FHIT: variants seen among roughly 807,000 people sequenced by gnomAD.
FHIT encodes bis(5'-adenosyl)-triphosphatase.
Under a neutral mutation model 17.9 loss-of-function variants are expected in FHIT, and 19 were observed. That is an observed-to-expected ratio of 1.06 (90% CI 0.74 to 1.56). The LOEUF is 1.56. Among genes scored for constraint, FHIT ranks in the 40% most tolerant of loss-of-function variants. The pLI is 0.00. For missense variants in FHIT, 248 were observed against 189.2 expected, an observed-to-expected ratio of 1.31 and a Z score of -1.82; for synonymous variants, 81 against 69.7, an observed-to-expected ratio of 1.16 and a Z score of -0.81.
intron 5 of FHIT, among the ~76,000 whole-genome samples, chr3:60,086,630 A>ACTT (rs1200948199): frequency 6.6e-6 from 1 of 152,196 alleles, no homozygotes. Flanking sequence ...AGAAAGAGAA[A>ACTT]ACAGGCCCTG....
At chr3:60,019,076 T>C (rs575521048) in intron 5 of FHIT, among the ~76,000 whole-genome samples, 4 of 152,330 alleles carry the variant, frequency 2.6e-5, no homozygotes, top group African/African-American at 9.6e-5. Flanking sequence ...GACTCACTCA[T>C]GCAACTGCTT....
At chr3:60,896,533 T>A (rs563766006) in intron 3 of FHIT, among the ~76,000 whole-genome samples, 1 of 152,288 alleles carries the variant, frequency 6.6e-6, no homozygotes. Flanking sequence ...CTACAATGGA[T>A]ACAAAGTAAT....
chr3:60,447,552 C>T (rs995468), intron 5 of FHIT, among the ~76,000 whole-genome samples: 27,114 of 152,008 alleles, frequency 0.18, 2,645 homozygotes, highest in Admixed American at 0.29. Context: ...CTCAAAGAAA[C>T]TTCAAATAAC....
chr3:59,788,881 G>GTT (rs60361063), intron 8 of FHIT, among the ~76,000 whole-genome samples: 4 of 86,804 alleles, frequency 4.6e-5, no homozygotes, highest in Admixed American at 1.8e-4. Flanking sequence ...GAGTTCATAT[G>GTT]TTTTTTTTTT....
intron 3 of FHIT, among the ~76,000 whole-genome samples, chr3:60,893,103 C>T (rs1366610657): frequency 1.3e-5 from 2 of 152,120 alleles, no homozygotes; most frequent in Non-Finnish European, 2.9e-5. Flanking sequence ...CTCTCTGAAG[C>T]AGGTCAGAAG....
intron 5 of FHIT, among the ~76,000 whole-genome samples, chr3:60,280,514 A>G (rs146806861): frequency 1.8e-3 from 273 of 152,266 alleles, no homozygotes; most frequent in African/African-American, 6.3e-3. Context: ...CAAAGGTGAA[A>G]TAACACAGAC....
intron 1 of FHIT, among the ~76,000 whole-genome samples, chr3:61,236,113 G>C (rs1281916735): frequency 1.3e-5 from 2 of 150,372 alleles, no homozygotes; most frequent in Non-Finnish European, 3.0e-5. Flanking sequence ...GCTAAGTCAA[G>C]ATATAAATAT....
chr3:60,235,420 C>T (rs1044811978), intron 5 of FHIT, among the ~76,000 whole-genome samples: 16 of 151,968 alleles, frequency 1.1e-4, no homozygotes, highest in African/African-American at 3.6e-4. Flanking sequence ...TTAGTAGAGG[C>T]AGGGTTTCAC....
chr3:59,977,636 T>C (rs1459052864), intron 7 of FHIT, among the ~76,000 whole-genome samples: 1 of 152,198 alleles, frequency 6.6e-6, no homozygotes, highest in Non-Finnish European at 1.5e-5. Flanking sequence ...GTTGCAGTCA[T>C]TGTTTCGTCT....
At chr3:60,551,226 G>C (rs1009425687) in intron 4 of FHIT, among the ~76,000 whole-genome samples, 4 of 151,642 alleles carry the variant, frequency 2.6e-5, no homozygotes, top group African/African-American at 9.7e-5. Context: ...ACAAGGTCTT[G>C]TGTGGCGTTT....
intron 5 of FHIT, among the ~76,000 whole-genome samples, chr3:60,480,128 A>G (rs1321465321): frequency 6.6e-6 from 1 of 152,148 alleles, no homozygotes; most frequent in East Asian, 1.9e-4. Flanking sequence ...AAGAGAAAGC[A>G]AGGTATGTCT....
intron 5 of FHIT, among the ~76,000 whole-genome samples, chr3:60,201,261 C>T (rs369730598): frequency 3.3e-5 from 5 of 152,052 alleles, no homozygotes; most frequent in African/African-American, 1.2e-4. Flanking sequence ...ATCTTATATA[C>T]CAAATGATCG....
intron 4 of FHIT, among the ~76,000 whole-genome samples, chr3:60,766,661 G>GAGA (rs370183379): frequency 6.9e-5 from 2 of 28,978 alleles, no homozygotes; most frequent in Non-Finnish European, 1.3e-4. Flanking sequence ...TCAAATGGTA[G>GAGA]AGTCTCAAGG....
At chr3:59,911,289 A>C (rs1704860721) in intron 8 of FHIT, among the ~76,000 whole-genome samples, 1 of 152,182 alleles carries the variant, frequency 6.6e-6, no homozygotes, top group African/African-American at 2.4e-5. Flanking sequence ...ACACACTCAC[A>C]CACACTCTGA....
intron 5 of FHIT, among the ~76,000 whole-genome samples, chr3:60,048,580 A>C (rs991310410): frequency 6.6e-6 from 1 of 152,224 alleles, no homozygotes; most frequent in Non-Finnish European, 1.5e-5. Flanking sequence ...AACGCACCCC[A>C]TAACAGCAGG....
chr3:61,186,911 C>T (rs1298713563), intron 2 of FHIT, among the ~76,000 whole-genome samples: 6 of 152,148 alleles, frequency 3.9e-5, no homozygotes, highest in Non-Finnish European at 8.8e-5. Flanking sequence ...TAACTCTGAC[C>T]GCTCCAAATG....
At chr3:60,720,922 C>T (rs2041795505) in intron 4 of FHIT, among the ~76,000 whole-genome samples, 1 of 152,152 alleles carries the variant, frequency 6.6e-6, no homozygotes, top group Non-Finnish European at 1.5e-5. Context: ...CCATCTATTA[C>T]CCAAGCCAGA....
At chr3:60,701,785 A>T (rs549300216) in intron 4 of FHIT, among the ~76,000 whole-genome samples, 3 of 152,326 alleles carry the variant, frequency 2.0e-5, no homozygotes, top group Admixed American at 2.0e-4. Context: ...AGTCCTATAA[A>T]GGCAGTCTAG....
chr3:61,046,129 T>C (rs2033774020), intron 2 of FHIT, among the ~76,000 whole-genome samples: 1 of 151,856 alleles, frequency 6.6e-6, no homozygotes, highest in Non-Finnish European at 1.5e-5. Context: ...AGGCAAGAAA[T>C]GACTAAGATC....
Sources: gnomAD v4.1 joint callset for allele counts (sites outside exome capture counted in the v4.1 genomes callset) on GRCh38, gnomAD v4.1.1 for gene constraint, MANE v1.5 for transcripts, NCBI Gene and HGNC (gene_info 2026-07-23, HGNC 2026-07-21) for gene names.